Variants in SGCZ observed in about 807,000 individuals in gnomAD.
The protein encoded by SGCZ is zeta-sarcoglycan.
A neutral mutation model predicts 41.3 loss-of-function variants in SGCZ; 40 were observed. That is an observed-to-expected ratio of 0.97 (90% confidence interval 0.75 to 1.26). The LOEUF is 1.26. Among genes scored for constraint, SGCZ ranks in the 50% most tolerant of loss-of-function variants. The pLI is 0.00. For missense variants in SGCZ, 552 were observed against 369.8 expected (o/e 1.49, Z -4.04); for synonymous variants, 206 against 137.5 (o/e 1.50, Z -3.49).
intron 1 of SGCZ, among the ~76,000 whole-genome samples, chr8:14,739,506 C>G (rs1799138523): frequency 6.6e-6 from 1 of 151,996 alleles, no homozygotes; most frequent in African/African-American, 2.4e-5. Context: ...CATATTCTGT[C>G]TCTCTTTTTT....
intron 5 of SGCZ, among the ~76,000 whole-genome samples, chr8:14,145,913 A>G (rs117562951): frequency 2.9e-4 from 44 of 152,318 alleles, no homozygotes; most frequent in East Asian, 2.7e-3. Flanking sequence ...AGGCAAAAGA[A>G]TAAAAAACAA....
rs190499360 is a variant in SGCZ at position 15,012,541 on chromosome 8, A to T, written c.39+225044T>A. On this transcript the variant is annotated intron_variant, in intron 1 of 7. Coordinates refer to ENST00000382080, the MANE Select transcript of SGCZ (RefSeq NM_139167.4). ...ATACATAAACATATGAACATATAAA[A>T]ATATGAATATTTATATATAACATAT... Among the ~76,000 whole-genome samples the T allele has an allele frequency of 6.9e-3, 741 of 107,550 alleles. 9 individuals are homozygous for T. Among genetic ancestry groups the T allele is most frequent in the African/African-American group, 0.031 (696 of 22,672 alleles). The allele number at this position is 107,550 out of a possible 152,430, so 70.6% of individuals were successfully genotyped here.
chr8:15,040,290 A>T (rs974226874), intron 1 of SGCZ, among the ~76,000 whole-genome samples: 1 of 152,172 alleles, frequency 6.6e-6, no homozygotes, highest in South Asian at 2.1e-4. Flanking sequence ...TGACTGATAC[A>T]TTAGTCTTAA....
intron 1 of SGCZ, among the ~76,000 whole-genome samples, chr8:15,075,722 C>T (rs1805505539): frequency 6.6e-6 from 1 of 152,114 alleles, no homozygotes; most frequent in Non-Finnish European, 1.5e-5. Context: ...AAAGTAATTA[C>T]ACAAAATGCC....
intron 1 of SGCZ, among the ~76,000 whole-genome samples, chr8:14,571,853 C>A (rs1455580747): frequency 6.6e-6 from 1 of 152,110 alleles, no homozygotes; most frequent in African/African-American, 2.4e-5. Context: ...GGTTCTGAGA[C>A]TAACTAAAGT....
chr8:14,815,785 G>A (rs1395938510), intron 1 of SGCZ, among the ~76,000 whole-genome samples: 1 of 152,186 alleles, frequency 6.6e-6, no homozygotes, highest in Admixed American at 6.5e-5. Flanking sequence ...GATAATATGT[G>A]ATGTTATCTG....
chr8:14,340,364 T>C (rs1371351488), intron 2 of SGCZ, among the ~76,000 whole-genome samples: 1 of 152,152 alleles, frequency 6.6e-6, no homozygotes, highest in East Asian at 1.9e-4. Context: ...AGTTTTATTG[T>C]TTTACAAGCA....
chr8:14,780,300 G>A (rs977584303), intron 1 of SGCZ, among the ~76,000 whole-genome samples: 7 of 151,412 alleles, frequency 4.6e-5, no homozygotes, highest in South Asian at 2.1e-4. Flanking sequence ...GCACGAACCC[G>A]GGGGGCAGAG....
At chr8:14,791,206 T>G (rs1398105210) in intron 1 of SGCZ, among the ~76,000 whole-genome samples, 1 of 152,110 alleles carries the variant, frequency 6.6e-6, no homozygotes, top group Non-Finnish European at 1.5e-5. Context: ...TTCCAAAATC[T>G]AACTCTAATA....
At chr8:14,485,972 G>C (rs1450634117) in intron 2 of SGCZ, among the ~76,000 whole-genome samples, 1 of 151,288 alleles carries the variant, frequency 6.6e-6, no homozygotes, top group Non-Finnish European at 1.5e-5. Context: ...CTCCCGAGTA[G>C]CTGGGACTAC....
chr8:14,782,168 G>A (rs1240735032), intron 1 of SGCZ, among the ~76,000 whole-genome samples: 1 of 152,130 alleles, frequency 6.6e-6, no homozygotes, highest in Non-Finnish European at 1.5e-5. Context: ...TGGGACTGCT[G>A]TCAGAAACAA....
chr8:14,391,584 C>T (rs933744281), intron 2 of SGCZ, among the ~76,000 whole-genome samples: 1 of 152,014 alleles, frequency 6.6e-6, no homozygotes, highest in Non-Finnish European at 1.5e-5. Context: ...TTGGACAAGG[C>T]ACCAGTTAGG....
intron 1 of SGCZ, among the ~76,000 whole-genome samples, chr8:14,754,213 T>C (rs1192903345): frequency 6.6e-6 from 1 of 152,120 alleles, no homozygotes; most frequent in Non-Finnish European, 1.5e-5. Flanking sequence ...CTTATAACAC[T>C]TGGAAATATA....
chr8:14,409,483 A>T (rs1382592098), intron 2 of SGCZ, among the ~76,000 whole-genome samples: 1 of 152,178 alleles, frequency 6.6e-6, no homozygotes, highest in Non-Finnish European at 1.5e-5. Flanking sequence ...TTGAAAAAAA[A>T]ATCAGAATAT....
chr8:15,084,119 C>G (rs1310503861), intron 1 of SGCZ, among the ~76,000 whole-genome samples: 1 of 152,090 alleles, frequency 6.6e-6, no homozygotes, highest in Non-Finnish European at 1.5e-5. Context: ...GGTAAATCTC[C>G]AAACAAGTAG....
chr8:15,071,482 A>G (rs1234428969), intron 1 of SGCZ, among the ~76,000 whole-genome samples: 1 of 152,198 alleles, frequency 6.6e-6, no homozygotes, highest in African/African-American at 2.4e-5. Flanking sequence ...GTGTAATTTG[A>G]TTCAAATATT....
intron 1 of SGCZ, among the ~76,000 whole-genome samples, chr8:14,827,973 A>T (rs530015787): frequency 3.3e-5 from 5 of 152,290 alleles, no homozygotes; most frequent in East Asian, 3.9e-4. Flanking sequence ...GTGTTCAAAA[A>T]TTTTTTGCAC....
At chr8:14,847,930 T>C (rs960270665) in intron 1 of SGCZ, among the ~76,000 whole-genome samples, 2 of 151,576 alleles carry the variant, frequency 1.3e-5, no homozygotes, top group African/African-American at 4.9e-5. Context: ...ACAGAAGGCA[T>C]CCAGATTGGA....
intron 6 of SGCZ, 144 bp from the exon 7 acceptor site, chr8:14,102,643 A>G (rs1297485611): frequency 5.4e-6 from 4 of 738,084 alleles, no homozygotes; most frequent in Middle Eastern, 4.6e-4. Context: ...AAGTCCTACC[A>G]TTTTAGGCAA....
Sources: allele counts gnomAD v4.1 joint callset (sites outside exome capture counted in the v4.1 genomes callset), GRCh38; gene constraint gnomAD v4.1.1; transcripts MANE v1.5; gene names NCBI Gene and HGNC (gene_info 2026-07-23, HGNC 2026-07-21).